The following EIF4B variants were observed in gnomAD, a reference collection of about 807,000 sequenced individuals.
The protein encoded by EIF4B is eukaryotic translation initiation factor 4B.
A neutral mutation model predicts 79.3 loss-of-function variants in EIF4B; 8 were observed. The ratio of observed to expected loss-of-function variants is 0.10; its 90% CI spans 0.06 to 0.18. The LOEUF is 0.18. Among genes scored for constraint, EIF4B ranks in the 10% least tolerant of loss-of-function variants. The pLI, the probability that EIF4B is intolerant of heterozygous loss-of-function variation, is 1.00. For synonymous variants in EIF4B, 238 were observed against 274.7 expected, an observed-to-expected ratio of 0.87 and a Z score of 1.32; for missense variants, 515 against 792.4, an observed-to-expected ratio of 0.65 and a Z score of 4.20.
rs1479013281 is a variant in EIF4B at position 53,041,777 on chromosome 12, C to T, written c.*1554C>T. On this transcript the variant is annotated 3_prime_UTR_variant, in exon 15 of 15. Transcript: ENST00000262056. ...CAGTGGGCATAATGAATATAATTTA[C>T]CCAGTGGACAAAGGTGTGTACCAAG... 1 of 152,060 alleles carries T rather than the reference C, an allele frequency of 6.6e-6. No homozygotes were observed. The highest frequency in any genetic ancestry group is 1.5e-5 in the Non-Finnish European group (1 of 68,028). 9.4% of individuals were successfully genotyped at this position (152,060 alleles called of 1,614,324 possible).
In EIF4B at chr12:53,028,191, A is replaced by G. The variant is rs1184486051; in HGVS notation, c.979+3A>G. On this transcript the variant is annotated splice_donor_region_variant and intron_variant, in intron 8 of 14. Coordinates refer to ENST00000262056, the MANE Select transcript of EIF4B (RefSeq NM_001417.7). ...TGATTATAGGCGTGATGATAGAGGT[A>G]ATAGTTTTCTTTTTACGTACTTCAT... is the stretch of plus-strand genomic sequence containing the variant. 7.7e-6 allele frequency: 12 copies of G among 1,564,308 alleles called. No individual in the cohort carries two copies. Among genetic ancestry groups the G allele is most frequent in the East Asian group, 2.3e-5 (1 of 44,432 alleles).
intron 6 of EIF4B, chr12:53,025,088 G>T (rs746786506): frequency 1.4e-4 from 56 of 388,890 alleles, no homozygotes; most frequent in Admixed American, 2.5e-4. Context: ...AGAAGAATGG[G>T]TCATAGGTCT....
rs532032771 is a variant in EIF4B at position 53,018,753 on chromosome 12, G to A, written c.152-45G>A. The A allele has an allele frequency of 4.2e-5, 67 of 1,601,308 alleles. No homozygotes were observed. In the East Asian group the frequency reaches 1.4e-3, roughly 33 times the overall value. ...GGTCCTCTTGTTCTATGACAGTAGT[G>A]AGAGAAGTTTCTTCTAATTTCTTAC... is the stretch of plus-strand genomic sequence containing the variant. On this transcript the variant is annotated intron_variant, in intron 2 of 14. Transcript: ENST00000262056.
At chr12:53,039,915 G>T in intron 14 of EIF4B, 1 of 730,852 alleles carries the variant, frequency 1.4e-6, no homozygotes, top group Non-Finnish European at 2.2e-6. Flanking sequence ...GTCTTCCTTT[G>T]TTCTCATCCC....
chr12:53,006,690 C>T (rs948610903), intron 1 of EIF4B, among the ~76,000 whole-genome samples, 194 bp downstream of exon 1: 2 of 151,358 alleles, frequency 1.3e-5, no homozygotes, highest in African/African-American at 2.4e-5. Context: ...GACACCTTCC[C>T]CTCCCCCTCA....
In EIF4B at chr12:53,033,712, A is replaced by G. The variant is rs1197032185; in HGVS notation, c.980-94A>G. 6 of 1,323,548 alleles carry G rather than the reference A, an allele frequency of 4.5e-6. No individual in the cohort carries two copies. In the Middle Eastern group the frequency reaches 5.7e-4, roughly 125 times the overall value. The allele number at this position is 1,323,548 out of a possible 1,614,324, so 82.0% of individuals were successfully genotyped here. A position where few individuals can be genotyped will look rare whatever the true frequency, so the allele number is the denominator to read the frequency against. On this transcript the variant is annotated intron_variant, in intron 8 of 14. Coordinates refer to ENST00000262056, the MANE Select transcript of EIF4B (RefSeq NM_001417.7). ...TAGGCCACTAACTTGAATCTCATGTAGCATTTCATAGGAGTTATATCTGAG... is the reference window on the plus strand; with the variant it reads ...TAGGCCACTAACTTGAATCTCATGTGGCATTTCATAGGAGTTATATCTGAG...
chr12:53,042,105 T>G lies in EIF4B; in HGVS notation c.*1882T>G, dbSNP rs1943650233. ...AAAAATATCTTCTATGAAAATGATT[T>G]GTAATCTGTAGACTTATTACCTGGG... is the stretch of plus-strand genomic sequence containing the variant. On this transcript the variant is annotated 3_prime_UTR_variant, in exon 15 of 15. Coordinates refer to ENST00000262056, the MANE Select transcript of EIF4B (RefSeq NM_001417.7). 1 of 152,684 alleles carries G rather than the reference T, an allele frequency of 6.5e-6. No individual in the cohort carries two copies. Among genetic ancestry groups the G allele is most frequent in the Non-Finnish European group, 1.5e-5 (1 of 68,048 alleles). The allele number at this position is 152,684 out of a possible 1,614,324, so 9.5% of individuals were successfully genotyped here.
chr12:53,025,380 A>G (rs1255950648), intron 6 of EIF4B: 1 of 376,380 alleles, frequency 2.7e-6, no homozygotes, highest in Non-Finnish European at 5.2e-6. Context: ...GCTGCCCCAA[A>G]GTCAACTTAG....
chr12:53,039,607 G>T, intron 13 of EIF4B, 23 bp from the exon 14 acceptor site: 1 of 1,613,120 alleles, frequency 6.2e-7, no homozygotes, highest in Non-Finnish European at 8.5e-7. Context: ...TAAAGACATG[G>T]TTTTATGCTT....
chr12:53,022,188 G>A, intron 5 of EIF4B: 1 of 666,372 alleles, frequency 1.5e-6, no homozygotes, highest in South Asian at 1.6e-5. Flanking sequence ...TTAAATAGAT[G>A]ATAAATAGAT....
intron 6 of EIF4B, chr12:53,025,216 A>G (rs1162089643): frequency 1.5e-5 from 7 of 455,836 alleles, no homozygotes; most frequent in Non-Finnish European, 3.1e-5. Context: ...AAGAGATTCT[A>G]TTGTTAACAG....
chr12:53,019,018 A>G lies in EIF4B; in HGVS notation c.360+12A>G, dbSNP rs1349794778. 1 of 1,612,264 alleles carries G rather than the reference A, an allele frequency of 6.2e-7. No homozygotes were observed. The highest frequency in any genetic ancestry group is 8.5e-7 in the Non-Finnish European group (1 of 1,178,710). On this transcript the variant is annotated intron_variant, in intron 3 of 14. Coordinates refer to ENST00000262056, the MANE Select transcript of EIF4B (RefSeq NM_001417.7). ...TTCGAGGATTAAATGTAAGTGTAAAAGTTGTAATAATTAACTAGATATTGA... is the reference window on the plus strand; with the variant it reads ...TTCGAGGATTAAATGTAAGTGTAAAGGTTGTAATAATTAACTAGATATTGA...
chr12:53,016,415 A>T (rs1943149538), intron 1 of EIF4B, 58 bp from the exon 2 acceptor site: 4 of 1,604,828 alleles, frequency 2.5e-6, no homozygotes, highest in African/African-American at 1.3e-5. Flanking sequence ...ATTGCATTGT[A>T]CAACTCTGTA....
Position 53,027,775 on chromosome 12 carries a change from C to A in EIF4B, c.668-7C>A, listed in dbSNP as rs1398200163. On this transcript the variant is annotated splice_polypyrimidine_tract_variant and splice_region_variant and intron_variant, in intron 6 of 14. Transcript: ENST00000262056. ...AGGGGATGGTGTTACTTGTCTGTTTCCTCTAGAGTATCGAGATCGTTATGA... is the reference window on the plus strand; with the variant it reads ...AGGGGATGGTGTTACTTGTCTGTTTACTCTAGAGTATCGAGATCGTTATGA... 3 of 1,612,016 alleles carry A rather than the reference C, an allele frequency of 1.9e-6. No individual in the cohort carries two copies. The highest frequency in any genetic ancestry group is 2.2e-5 in the South Asian group (2 of 90,990).
At chr12:53,007,373 G>C (rs1051969960) in intron 1 of EIF4B, among the ~76,000 whole-genome samples, 2 of 148,342 alleles carry the variant, frequency 1.3e-5, no homozygotes, top group African/African-American at 5.1e-5. Context: ...CGCTTCCGGC[G>C]CTTCCATGTT....
rs570808639 is a variant in EIF4B, at chr12:53,013,229, T to C, written c.14-3244T>C. On this transcript the variant is annotated intron_variant, in intron 1 of 14. Coordinates refer to ENST00000262056, the MANE Select transcript of EIF4B (RefSeq NM_001417.7). ...AGGGATACCTTATTCAGATTGTTAA[T>C]GTTCTTTTGTTGAACTTGACCTTAT... Among the ~76,000 whole-genome samples, 3 of 152,340 alleles carry C rather than the reference T, an allele frequency of 2.0e-5. No homozygotes were observed. In the East Asian group the frequency reaches 5.8e-4, roughly 29 times the overall value.
chr12:53,028,102 A>G lies in EIF4B; in HGVS notation c.893A>G (p.Tyr298Cys), dbSNP rs1206228898. 6.2e-6 allele frequency: 10 copies of G among 1,613,996 alleles called. No homozygotes were observed. The highest frequency in any genetic ancestry group is 2.2e-5 in the East Asian group (1 of 44,906). Reference sequence around the variant, plus strand: ...GACTACAGAGGAGGCGGGGACCGCTATGAAGACCGATATGACAGACGGGAT... The same window carrying G: ...GACTACAGAGGAGGCGGGGACCGCTGTGAAGACCGATATGACAGACGGGAT... The part of the protein sequence containing the change: ...DDDYRGGGDR[Y>C]EDRYDRRDDR... The change falls in exon 8 of 15, where the codon TAT (tyrosine) becomes TGT (cysteine). Residue 298 changes from tyrosine to cysteine, a missense_variant. By Grantham distance (194) the Tyr-to-Cys change is radical. This residue lies in a region of EIF4B where 187 missense variants were observed against 256.5 expected (regional missense o/e 0.73). Transcript: ENST00000262056.
rs1292768453 is a variant in EIF4B, at chr12:53,027,123, C to CG, written c.668-659_668-658insG. 2.5e-4 allele frequency among the ~76,000 whole-genome samples: 20 copies of CG among 80,492 alleles called. 2 individuals are homozygous for CG. The highest frequency in any genetic ancestry group is 4.6e-4 in the African/African-American group (11 of 23,848). The allele number at this position is 80,492 out of a possible 152,430, so 52.8% of individuals were successfully genotyped here. Reference sequence around the variant, plus strand: ...TGGGCAGCAGAGAGAGACTGTCTCTCAAAAAAAAAAAAAATTTTTTTTTTT... The same window carrying CG: ...TGGGCAGCAGAGAGAGACTGTCTCTCGAAAAAAAAAAAAAATTTTTTTTTTT... On this transcript the variant is annotated intron_variant, in intron 6 of 14. Coordinates refer to ENST00000262056, the MANE Select transcript of EIF4B (RefSeq NM_001417.7).
intron 2 of EIF4B, among the ~76,000 whole-genome samples, 188 bp downstream of exon 2, chr12:53,016,798 T>C (rs1009220218): frequency 1.3e-5 from 2 of 152,256 alleles, no homozygotes; most frequent in Non-Finnish European, 2.9e-5. Flanking sequence ...CAGTGAAGAC[T>C]GAAGTGGTCA....
Sources: gnomAD v4.1 joint callset for allele counts (sites outside exome capture counted in the v4.1 genomes callset) on GRCh38, gnomAD v4.1.1 for gene constraint, gnomAD v4.1.1 regional missense constraint, MANE v1.5 for transcripts, NCBI Gene and HGNC (gene_info 2026-07-23, HGNC 2026-07-21) for gene names.